Variants in PCDHA12 observed in about 807,000 individuals in gnomAD.
PCDHA12 encodes protocadherin alpha 12.
In PCDHA12, 44 loss-of-function variants were observed where a neutral mutation model predicts 60.0. The observed-to-expected ratio is 0.73, with a 90% CI of 0.58 to 0.94. PCDHA12 has a LOEUF of 0.94. Among genes scored for constraint, PCDHA12 ranks in the 40% least tolerant of loss-of-function variants. The pLI, the probability that PCDHA12 is intolerant of heterozygous loss-of-function variation, is 0.00. For synonymous variants in PCDHA12, 569 were observed against 553.0 expected (o/e 1.03, Z -0.40); for missense variants, 1,276 against 1,239.7 (o/e 1.03, Z -0.44).
chr5:140,953,951 A>C (rs1554221165), intron 1 of PCDHA12, among the ~76,000 whole-genome samples: 1 of 151,876 alleles, frequency 6.6e-6, no homozygotes, highest in Admixed American at 6.6e-5. Context: ...TGCTCCCCCA[A>C]CAGGCCCCAG....
intron 3 of PCDHA12, among the ~76,000 whole-genome samples, chr5:140,986,404 G>GT (rs2097199196): frequency 6.6e-6 from 1 of 152,190 alleles, no homozygotes; most frequent in Non-Finnish European, 1.5e-5. Context: ...AGTCGCTCAT[G>GT]TTACAGCTCT....
In PCDHA12 at chr5:140,928,114, A is replaced by C. The variant is rs200013855; in HGVS notation, c.2367+50275A>C. ...TGATGGGCCCCTGGACCGGGAGCAG[A>C]TCAGTGAATACCAAGTCCTGATCAC... On this transcript the variant is annotated intron_variant, in intron 1 of 3. Coordinates refer to ENST00000398631, the MANE Select transcript of PCDHA12 (RefSeq NM_018903.4). 280 of 1,614,088 alleles carry C rather than the reference A, an allele frequency of 1.7e-4. No individual in the cohort carries two copies. Among genetic ancestry groups the C allele is most frequent in the Middle Eastern group, 6.6e-4 (4 of 6,084 alleles).
intron 1 of PCDHA12, among the ~76,000 whole-genome samples, chr5:140,944,130 G>C (rs141500614): frequency 3.9e-4 from 60 of 152,256 alleles, no homozygotes; most frequent in Non-Finnish European, 7.9e-4. Context: ...AGAAGAAAAG[G>C]TTGAAGATTA....
intron 3 of PCDHA12, among the ~76,000 whole-genome samples, chr5:140,991,432 C>T (rs2153896288): frequency 6.6e-6 from 1 of 152,310 alleles, no homozygotes; most frequent in Non-Finnish European, 1.5e-5. Flanking sequence ...TAACCATAAA[C>T]TTCATGGCTT....
At chr5:140,912,810 A>G (rs887666910) in intron 1 of PCDHA12, among the ~76,000 whole-genome samples, 16 of 152,202 alleles carry the variant, frequency 1.1e-4, no homozygotes, top group African/African-American at 3.6e-4. Flanking sequence ...GGTTTTTATC[A>G]TAAAGGGATT....
intron 1 of PCDHA12, among the ~76,000 whole-genome samples, chr5:140,914,462 G>A (rs1554196374): frequency 6.6e-6 from 1 of 152,068 alleles, no homozygotes; most frequent in East Asian, 1.9e-4. Context: ...CAGTCTATGT[G>A]TATCTTCATA....
At chr5:141,008,434 A>G (rs1466409442) in intron 3 of PCDHA12, among the ~76,000 whole-genome samples, 2 of 152,196 alleles carry the variant, frequency 1.3e-5, no homozygotes, top group Admixed American at 6.5e-5. Context: ...CACTTTGCCC[A>G]GACAGACCAT....
At chr5:140,986,102 C>T (rs782067384) in intron 3 of PCDHA12, among the ~76,000 whole-genome samples, 14 of 152,102 alleles carry the variant, frequency 9.2e-5, no homozygotes, top group Non-Finnish European at 1.5e-5. Flanking sequence ...CTGCAAAAGC[C>T]TAAGATAAAG....
At chr5:140,940,369 T>C (rs1554213311) in intron 1 of PCDHA12, among the ~76,000 whole-genome samples, 1 of 152,212 alleles carries the variant, frequency 6.6e-6, no homozygotes, top group Admixed American at 6.5e-5. Context: ...AAAGTATTCC[T>C]TGAGTTGTTA....
intron 1 of PCDHA12, among the ~76,000 whole-genome samples, chr5:140,923,122 C>T (rs1405376878): frequency 6.6e-6 from 1 of 152,130 alleles, no homozygotes; most frequent in Non-Finnish European, 1.5e-5. Context: ...TTTTTAGGGT[C>T]ACACTTTGAA....
intron 1 of PCDHA12, chr5:140,884,234 G>T (rs375170723): frequency 3.7e-6 from 6 of 1,613,500 alleles, no homozygotes; most frequent in Non-Finnish European, 4.2e-6. Context: ...GGACCACGGT[G>T]AGCCCGCGCT....
rs1406485859 is a variant in PCDHA12, at chr5:140,877,450, A to G, written c.1978A>G (p.Thr660Ala). The part of the protein sequence containing the change: ...LVKDHGEPAL[T>A]STATVLVSLV... Reference sequence around the variant, plus strand: ...GAAGGACCACGGTGAGCCCGCGCTGACGTCCACGGCCACGGTGCTGGTGTC... The same window carrying G: ...GAAGGACCACGGTGAGCCCGCGCTGGCGTCCACGGCCACGGTGCTGGTGTC... Residue 660 changes from threonine to alanine, a missense_variant, in exon 1 of 4, where the codon ACG becomes GCG. Coordinates refer to ENST00000398631, the MANE Select transcript of PCDHA12 (RefSeq NM_018903.4). 1.9e-6 allele frequency: 3 copies of G among 1,613,636 alleles called. No homozygotes were observed. Among genetic ancestry groups the G allele is most frequent in the Non-Finnish European group, 2.5e-6 (3 of 1,179,854 alleles).
At chr5:140,900,575 C>A (rs994036757) in intron 1 of PCDHA12, among the ~76,000 whole-genome samples, 5 of 152,330 alleles carry the variant, frequency 3.3e-5, no homozygotes, top group African/African-American at 1.2e-4. Flanking sequence ...CGGCACCGGC[C>A]CATTTTCTTT....
chr5:140,931,649 G>A (rs2087653878), intron 1 of PCDHA12, among the ~76,000 whole-genome samples: 1 of 151,904 alleles, frequency 6.6e-6, no homozygotes, highest in African/African-American at 2.4e-5. Context: ...GCTAATAATT[G>A]TTGTGGGCTG....
intron 3 of PCDHA12, among the ~76,000 whole-genome samples, chr5:140,993,826 C>T (rs1401311421): frequency 1.3e-5 from 2 of 152,134 alleles, no homozygotes; most frequent in African/African-American, 4.8e-5. Context: ...ATAGGCTATA[C>T]CATATAGCCT....
chr5:140,875,655 G>C lies in PCDHA12; in HGVS notation c.183G>C (p.Pro61=). ...GGCTGGAGCTGGCGGAGCTGGTGCC[G>C]CGCCTGTTCCGGGTGGCGTCCAAAA... ...DLGLELAELV[P]RLFRVASKRH... Residue 61 remains proline, a synonymous_variant, in exon 1 of 4, where the codon CCG becomes CCC. Transcript: ENST00000398631. The C allele has an allele frequency of 6.2e-7, 1 of 1,613,724 alleles. No homozygotes were observed. Among genetic ancestry groups the C allele is most frequent in the Middle Eastern group, 1.7e-4 (1 of 5,784 alleles).
intron 1 of PCDHA12, among the ~76,000 whole-genome samples, chr5:140,924,896 AAAAAAAAAATAAAATAAAAT>A (rs1488372568): frequency 0.024 from 1,693 of 69,132 alleles, 31 homozygotes; most frequent in African/African-American, 0.08. Context: ...ACCTGTCTCA[AAAAAAAAAATAAAATAAAAT>A]AAAATAAAAT....
chr5:140,952,058 T>A (rs889374877), intron 1 of PCDHA12, among the ~76,000 whole-genome samples: 7 of 151,978 alleles, frequency 4.6e-5, no homozygotes, highest in Non-Finnish European at 8.8e-5. Context: ...ATCTTAAAGC[T>A]CCAAATAATC....
intron 1 of PCDHA12, among the ~76,000 whole-genome samples, chr5:140,886,931 G>A (rs1426144437): frequency 6.6e-6 from 1 of 151,756 alleles, no homozygotes; most frequent in Non-Finnish European, 1.5e-5. Context: ...CTATGTGCCA[G>A]GCATGTTCTA....
Sources: gnomAD v4.1 joint callset for allele counts (sites outside exome capture counted in the v4.1 genomes callset) on GRCh38, gnomAD v4.1.1 for gene constraint, MANE v1.5 for transcripts, NCBI Gene and HGNC (gene_info 2026-07-23, HGNC 2026-07-21) for gene names.